HDX: variants seen among roughly 807,000 people sequenced by gnomAD.
HDX encodes the protein highly divergent homeobox.
HDX carries 19 observed loss-of-function variants against 45.2 expected under a neutral mutation model. That is an observed-to-expected ratio of 0.42 (90% CI 0.29 to 0.62). The LOEUF (loss-of-function observed/expected upper bound fraction) is 0.62, where lower values mean the gene tolerates loss of function less well. HDX is among the 20% of genes least tolerant of loss of function. The pLI is 0.20. For missense variants in HDX, 532 were observed against 493.9 expected (o/e 1.08, Z -0.73); for synonymous variants, 188 against 172.8 (o/e 1.09, Z -0.69).
chrX:84,334,961 C>T (rs1476877505), intron 8 of HDX, among the ~76,000 whole-genome samples: 1 of 110,349 alleles, frequency 9.1e-6, no homozygotes, highest in Non-Finnish European at 1.9e-5. Context: ...CACATACATA[C>T]ATATTTACAT....
intron 4 of HDX, among the ~76,000 whole-genome samples, chrX:84,449,945 C>CG (rs1192017326): frequency 9.3e-6 from 1 of 107,489 alleles, no homozygotes; most frequent in East Asian, 3.0e-4. Flanking sequence ...CATCACACAC[C>CG]GGGCCTGTTG....
intron 5 of HDX, among the ~76,000 whole-genome samples, chrX:84,435,843 G>T (rs1461342390): frequency 2.1e-5 from 2 of 95,947 alleles, no homozygotes; most frequent in South Asian, 1.1e-3. Context: ...CTGTAAACTA[G>T]TTCAACCATT....
chrX:84,491,060 C>T (rs2040884025), intron 1 of HDX, among the ~76,000 whole-genome samples: 1 of 111,010 alleles, frequency 9.0e-6, no homozygotes, highest in Admixed American at 9.6e-5. Context: ...TATTGAGCTT[C>T]TTGGGTATGT....
intron 5 of HDX, among the ~76,000 whole-genome samples, chrX:84,366,155 G>A (rs1384995555): frequency 1.8e-5 from 2 of 111,798 alleles, no homozygotes; most frequent in African/African-American, 6.5e-5. Flanking sequence ...CAAAATCAAT[G>A]TGCAAAAATC....
At chrX:84,480,609 T>A (rs2040657213) in intron 2 of HDX, among the ~76,000 whole-genome samples, 1 of 111,546 alleles carries the variant, frequency 9.0e-6, no homozygotes, top group Admixed American at 9.6e-5. Flanking sequence ...TTTTCTTGCA[T>A]CTATTGAAAT....
At chrX:84,463,609 T>C (rs2040284801) in intron 4 of HDX, among the ~76,000 whole-genome samples, 1 of 111,192 alleles carries the variant, frequency 9.0e-6, no homozygotes, top group African/African-American at 3.3e-5. Context: ...ATGATAAATG[T>C]TGTATTTATG....
intron 5 of HDX, among the ~76,000 whole-genome samples, chrX:84,430,309 G>A (rs933305405): frequency 1.9e-4 from 21 of 110,755 alleles, no homozygotes; most frequent in African/African-American, 6.9e-4. Flanking sequence ...TTAAAATAAT[G>A]TCTTATAGTT....
At position 84,397,606 on chromosome X, in the gene HDX, C is replaced by A. The variant is rs369683069; in HGVS notation, c.1306-35994G>T. On this transcript the variant is annotated intron_variant, in intron 5 of 10. Coordinates refer to ENST00000373177, the MANE Select transcript of HDX (RefSeq NM_001177479.2). The stretch of plus-strand genomic sequence containing the variant: ...GAACCCAGCTGAGGAGGCTGCCTTT[C>A]TTCCCTCTCTTTCTGTGCTTTAGGT... Among the ~76,000 whole-genome samples the A allele has an allele frequency of 3.2e-4, 36 of 111,569 alleles. No individual in the cohort carries two copies. In the South Asian group the frequency reaches 0.013, roughly 42 times the overall value.
rs1871526999 is a variant in HDX at position 84,480,711 on chromosome X, C to A, written c.1-5314G>T. On this transcript the variant is annotated intron_variant, in intron 2 of 10. Coordinates refer to ENST00000373177, the MANE Select transcript of HDX (RefSeq NM_001177479.2). ...ACCTGCCTTCTATTCCTGGAATAAA[C>A]CTCACTTGGTAGTGATGTATTATTC... 4.5e-5 allele frequency among the ~76,000 whole-genome samples: 5 copies of A among 110,764 alleles called. No individual in the cohort carries two copies. In the Admixed American group the frequency reaches 4.8e-4, roughly 11 times the overall value.
At chrX:84,355,817 C>A in intron 6 of HDX, among the ~76,000 whole-genome samples, 1 of 108,658 alleles carries the variant, frequency 9.2e-6, no homozygotes, top group Non-Finnish European at 1.9e-5. Flanking sequence ...ACGTAACAAA[C>A]CTGCACATTG....
At chrX:84,484,169 A>T in intron 2 of HDX, among the ~76,000 whole-genome samples, 1 of 112,062 alleles carries the variant, frequency 8.9e-6, no homozygotes, top group Middle Eastern at 4.6e-3. Context: ...CCTGTTACTC[A>T]GTTCCAAAGT....
At chrX:84,473,598 T>C (rs754438545) in intron 3 of HDX, among the ~76,000 whole-genome samples, 1 of 111,564 alleles carries the variant, frequency 9.0e-6, no homozygotes, top group Non-Finnish European at 1.9e-5. Flanking sequence ...TCACACCATT[T>C]TGAGCATAAA....
At chrX:84,419,403 T>A (rs1318334842) in intron 5 of HDX, among the ~76,000 whole-genome samples, 2 of 112,058 alleles carry the variant, frequency 1.8e-5, no homozygotes, top group African/African-American at 6.5e-5. Flanking sequence ...TGGTAGCATT[T>A]CTTGTGGTAT....
Position 84,361,566 on chromosome X carries a change from T to C in HDX, c.1352A>G (p.Lys451Arg). Residue 451 changes from lysine (K) to arginine (R), a missense_variant, in exon 6 of 11, where the codon AAG becomes AGG. Coordinates refer to ENST00000373177, the MANE Select transcript of HDX (RefSeq NM_001177479.2). ...GGTCATGCCATTGTCCCAATACTTC[T>C]TAAGGGTGGCTAAGTCTCGGTCACT... ...QFSDRDLATLKKYWDNGMTSL... is the reference protein window; with the variant it reads ...QFSDRDLATLRKYWDNGMTSL... The C allele has an allele frequency of 1.7e-6, 2 of 1,203,790 alleles. No homozygotes were observed. Among genetic ancestry groups the C allele is most frequent in the Admixed American group, 4.4e-5 (2 of 45,685 alleles).
At chrX:84,430,358 C>T (rs1365342292) in intron 5 of HDX, among the ~76,000 whole-genome samples, 1 of 110,594 alleles carries the variant, frequency 9.0e-6, no homozygotes, top group Non-Finnish European at 1.9e-5. Context: ...TTAATTCTTT[C>T]TTATGGTTGA....
chrX:84,317,960 A>C lies in HDX; in HGVS notation c.*3929T>G, dbSNP rs2036532016. Reference sequence around the variant, plus strand: ...TCACATTACAGTCTGATGTGGTTTTAAGGTGACAGTATATTTCAGAGGTAG... The same window carrying C: ...TCACATTACAGTCTGATGTGGTTTTCAGGTGACAGTATATTTCAGAGGTAG... On this transcript the variant is annotated 3_prime_UTR_variant, in exon 11 of 11. Coordinates refer to ENST00000373177, the MANE Select transcript of HDX (RefSeq NM_001177479.2). The C allele has an allele frequency of 9.0e-6, 1 of 111,231 alleles. No homozygotes were observed. Among genetic ancestry groups the C allele is most frequent in the Non-Finnish European group, 1.9e-5 (1 of 52,672 alleles). 9.2% of individuals were successfully genotyped at this position (111,231 alleles called of 1,213,427 possible). A position where few individuals can be genotyped will look rare whatever the true frequency, so the allele number is the denominator to read the frequency against.
intron 7 of HDX, among the ~76,000 whole-genome samples, chrX:84,343,582 C>T (rs183682502): frequency 4.5e-5 from 5 of 111,017 alleles, no homozygotes; most frequent in Non-Finnish European, 9.5e-5. Flanking sequence ...GTCACCTCAC[C>T]TGGCCTTACA....
At chrX:84,470,180 C>T (rs533935052) in intron 3 of HDX, among the ~76,000 whole-genome samples, 2 of 110,999 alleles carry the variant, frequency 1.8e-5, no homozygotes, top group Non-Finnish European at 1.9e-5. Flanking sequence ...TATACCTCAT[C>T]GTAGATGCAT....
At chrX:84,455,763 ACAAGACATTTAATAAT>A (rs1190979744) in intron 4 of HDX, among the ~76,000 whole-genome samples, 1 of 111,974 alleles carries the variant, frequency 8.9e-6, no homozygotes, top group Non-Finnish European at 1.9e-5. Context: ...TAAGACTACC[ACAAGACATTTAATAAT>A]CAAGCTCCCA....
Sources: gnomAD v4.1 joint callset for allele counts (sites outside exome capture counted in the v4.1 genomes callset) on GRCh38, gnomAD v4.1.1 for gene constraint, MANE v1.5 for transcripts, NCBI Gene and HGNC (gene_info 2026-07-23, HGNC 2026-07-21) for gene names.